Variants in PTK2 observed in about 807,000 individuals in gnomAD.
PTK2 encodes protein tyrosine kinase 2.
A neutral mutation model predicts 150.1 loss-of-function variants in PTK2; 45 were observed. The ratio of observed to expected loss-of-function variants is 0.30; its 90% CI spans 0.24 to 0.38. PTK2 has a LOEUF of 0.38. Among genes scored for constraint, PTK2 ranks in the 10% least tolerant of loss-of-function variants. The probability of loss-of-function intolerance (pLI) is 1.00; values close to 1 mark genes in which losing one functional copy is unlikely to be tolerated. For missense variants in PTK2, 919 were observed against 1,307.3 expected, an observed-to-expected ratio of 0.70 and a Z score of 4.58; for synonymous variants, 432 against 449.2, an observed-to-expected ratio of 0.96 and a Z score of 0.48.
intron 7 of PTK2, among the ~76,000 whole-genome samples, chr8:140,836,667 A>G (rs561839072): frequency 5.0e-4 from 76 of 152,222 alleles, no homozygotes; most frequent in Non-Finnish European, 9.7e-4. Flanking sequence ...AACTAAGCTC[A>G]GCTAATTTTA....
intron 16 of PTK2, among the ~76,000 whole-genome samples, chr8:140,753,698 T>A (rs533178606): frequency 2.1e-4 from 32 of 152,356 alleles, no homozygotes; most frequent in African/African-American, 7.5e-4. Context: ...TCTTTCACAT[T>A]ATATCATTTT....
At chr8:140,694,217 T>C (rs1303703677) in intron 26 of PTK2, among the ~76,000 whole-genome samples, 1 of 151,802 alleles carries the variant, frequency 6.6e-6, no homozygotes, top group Non-Finnish European at 1.5e-5. Context: ...ATTTTTTGTA[T>C]TTTTTAGTAG....
At chr8:140,754,825 C>CTT (rs2100064711) in intron 16 of PTK2, among the ~76,000 whole-genome samples, 1 of 152,092 alleles carries the variant, frequency 6.6e-6, no homozygotes. Flanking sequence ...GTTAGAAGGG[C>CTT]CAGTTACAGA....
rs117789565 is a variant in PTK2 at position 140,706,846 on chromosome 8, C to T, written c.2143-641G>A. On this transcript the variant is annotated intron_variant, in intron 23 of 31. Coordinates refer to ENST00000522684, the Ensembl canonical transcript of PTK2. Reference sequence around the variant, plus strand: ...AGGAATTAGAGGCCAGCCTGGGCAACGTAGCAAGACTGTACCTTTGAAAAA... The same window carrying T: ...AGGAATTAGAGGCCAGCCTGGGCAATGTAGCAAGACTGTACCTTTGAAAAA... Among the ~76,000 whole-genome samples, 1,198 of 152,086 alleles carry T rather than the reference C, an allele frequency of 7.9e-3. 8 individuals carry two copies. Among genetic ancestry groups the T allele is most frequent in the Non-Finnish European group, 0.012 (845 of 68,006 alleles).
intron 2 of PTK2, among the ~76,000 whole-genome samples, chr8:140,893,997 A>G (rs1248410044): frequency 6.6e-6 from 1 of 152,188 alleles, no homozygotes; most frequent in Non-Finnish European, 1.5e-5. Context: ...TTCCACTTCT[A>G]GGAATTTATG....
At chr8:140,864,382 C>A in exon 5 of PTK2, 1 of 1,581,524 alleles carries the variant, frequency 6.3e-7, no homozygotes, top group Non-Finnish European at 8.6e-7. Flanking sequence ...TGGCAAATAA[C>A]GAATTCTCAA....
chr8:140,776,022 T>C (rs945556559), intron 14 of PTK2, among the ~76,000 whole-genome samples: 5 of 152,186 alleles, frequency 3.3e-5, no homozygotes, highest in African/African-American at 1.2e-4. Flanking sequence ...ATTATTCTCA[T>C]TGAGAGAGTC....
At chr8:140,734,619 A>G (rs906267327) in intron 22 of PTK2, 2 of 431,406 alleles carry the variant, frequency 4.6e-6, no homozygotes, top group Admixed American at 2.5e-5. Context: ...GGGGTTTAAC[A>G]GTACCTGGCA....
chr8:140,864,421 G>A (rs1196118580), intron 4 of PTK2, 22 bp from the exon 5 acceptor site: 3 of 1,373,790 alleles, frequency 2.2e-6, no homozygotes, highest in South Asian at 1.3e-5. Context: ...TCACAAAACA[G>A]AACAATTAGA....
At chr8:140,985,388 G>C (rs770304875) in intron 1 of PTK2, among the ~76,000 whole-genome samples, 1 of 152,130 alleles carries the variant, frequency 6.6e-6, no homozygotes, top group Non-Finnish European at 1.5e-5. Context: ...GCCTCCCAAA[G>C]TGCTCGAATT....
intron 1 of PTK2, among the ~76,000 whole-genome samples, chr8:140,978,781 A>G (rs2100190305): frequency 6.9e-6 from 1 of 144,350 alleles, no homozygotes; most frequent in African/African-American, 2.5e-5. Flanking sequence ...AAAGGACTAT[A>G]AATCATGCTG....
chr8:140,786,998 A>G (rs1428755113), intron 14 of PTK2, among the ~76,000 whole-genome samples: 1 of 152,058 alleles, frequency 6.6e-6, no homozygotes, highest in East Asian at 1.9e-4. Flanking sequence ...AGACTGGAGA[A>G]GTGGGTGGTG....
chr8:140,858,266 G>A (rs2100133955), intron 5 of PTK2, among the ~76,000 whole-genome samples: 1 of 151,244 alleles, frequency 6.6e-6, no homozygotes. Flanking sequence ...AGAGACTGAG[G>A]AGTTCTAACA....
chr8:140,781,822 T>C (rs1386594690), intron 14 of PTK2, among the ~76,000 whole-genome samples: 1 of 152,220 alleles, frequency 6.6e-6, no homozygotes, highest in Non-Finnish European at 1.5e-5. Context: ...CCTCCAAGTA[T>C]TCTTTTCAAC....
chr8:140,795,081 G>C (rs1221187594), intron 12 of PTK2, among the ~76,000 whole-genome samples: 1 of 152,116 alleles, frequency 6.6e-6, no homozygotes, highest in Non-Finnish European at 1.5e-5. Flanking sequence ...CCTCTTACTT[G>C]TCACTGTCAT....
At position 140,846,736 on chromosome 8, in the gene PTK2, T is replaced by C. The variant is rs945161011; in HGVS notation, c.451-58A>G. ...TTTTAAAAGAAAAATATTAGATATATGCATTCAATAAATGTTTCCTGAGTA... is the reference window on the plus strand; with the variant it reads ...TTTTAAAAGAAAAATATTAGATATACGCATTCAATAAATGTTTCCTGAGTA... On this transcript the variant is annotated intron_variant, in intron 5 of 31. Coordinates refer to ENST00000522684, the Ensembl canonical transcript of PTK2. The C allele has an allele frequency of 5.7e-6, 7 of 1,227,570 alleles. No homozygotes were observed. In the African/African-American group the frequency reaches 9.1e-5, roughly 16 times the overall value. The allele number at this position is 1,227,570 out of a possible 1,614,324, so 76.0% of individuals were successfully genotyped here. A position where few individuals can be genotyped will look rare whatever the true frequency, so the allele number is the denominator to read the frequency against.
chr8:140,687,768 G>T (rs991451927), intron 26 of PTK2, among the ~76,000 whole-genome samples: 1 of 152,186 alleles, frequency 6.6e-6, no homozygotes, highest in Admixed American at 6.5e-5. Context: ...GGGTGCCAGG[G>T]TGTAGTAGGA....
intron 7 of PTK2, among the ~76,000 whole-genome samples, chr8:140,832,695 C>G (rs1404820907): frequency 6.6e-6 from 1 of 151,920 alleles, no homozygotes; most frequent in Non-Finnish European, 1.5e-5. Flanking sequence ...GACAAAGAGG[C>G]AACAGGGATG....
At chr8:140,785,232 C>A (rs536343455) in intron 14 of PTK2, among the ~76,000 whole-genome samples, 1 of 152,224 alleles carries the variant, frequency 6.6e-6, no homozygotes. Context: ...TTTCTGCTGT[C>A]GGTTCCCGCT....
Sources: allele counts gnomAD v4.1 joint callset (sites outside exome capture counted in the v4.1 genomes callset), GRCh38; gene constraint gnomAD v4.1.1; transcripts MANE v1.5; gene names NCBI Gene and HGNC (gene_info 2026-07-23, HGNC 2026-07-21).